The following TMEM117 variants were observed in gnomAD, a reference collection of about 807,000 sequenced individuals.
The protein encoded by TMEM117 is transmembrane protein 117.
A neutral mutation model predicts 52.4 loss-of-function variants in TMEM117; 27 were observed. That is an observed-to-expected ratio of 0.51 (90% CI 0.38 to 0.71). TMEM117 has a LOEUF of 0.71. Among genes scored for constraint, TMEM117 ranks in the 30% least tolerant of loss-of-function variants. The pLI is 0.00. For missense variants in TMEM117, 556 were observed against 630.5 expected (o/e 0.88, Z 1.26); for synonymous variants, 215 against 206.3 (o/e 1.04, Z -0.36).
chr12:43,805,047 A>G, the TMEM117 span, among the ~76,000 whole-genome samples: 1 of 152,270 alleles, frequency 6.6e-6, no homozygotes, highest in Non-Finnish European at 1.5e-5. Context: ...AAAAGACAAT[A>G]AAATGCATTC....
At chr12:43,936,412 A>C (rs1365904342) in intron 2 of TMEM117, among the ~76,000 whole-genome samples, 1 of 152,062 alleles carries the variant, frequency 6.6e-6, no homozygotes, top group African/African-American at 2.4e-5. Context: ...ACTGAGTTTG[A>C]TTTCCTGGTA....
chr12:44,379,019 C>T (rs780153773), intron 7 of TMEM117, among the ~76,000 whole-genome samples: 10 of 151,952 alleles, frequency 6.6e-5, no homozygotes, highest in African/African-American at 9.7e-5. Context: ...CGTGGTGGCT[C>T]ACACCTATAG....
At chr12:44,100,067 G>C (rs550037743) in intron 3 of TMEM117, among the ~76,000 whole-genome samples, 1 of 152,000 alleles carries the variant, frequency 6.6e-6, no homozygotes, top group Non-Finnish European at 1.5e-5. Flanking sequence ...GGCATATCAG[G>C]ACTCCAAAAA....
Position 44,388,528 on chromosome 12 carries a change from T to G in TMEM117, c.1401T>G (p.Val467=), listed in dbSNP as rs768391059. The change falls in exon 8 of 8, where the codon GTT becomes GTG. Residue 467 remains valine (V), a synonymous_variant. Transcript: ENST00000266534. ...VEDPLNDPSL[V]CIRSDFNEIV... ...ACCCCTTGAATGACCCTTCTTTGGTTTGCATCAGGTCTGACTTCAATGAGA... is the reference window on the plus strand; with the variant it reads ...ACCCCTTGAATGACCCTTCTTTGGTGTGCATCAGGTCTGACTTCAATGAGA... The G allele has an allele frequency of 6.2e-7, 1 of 1,613,464 alleles. No homozygotes were observed. Among genetic ancestry groups the G allele is most frequent in the Non-Finnish European group, 8.5e-7 (1 of 1,179,656 alleles).
intron 2 of TMEM117, among the ~76,000 whole-genome samples, chr12:43,912,513 A>ATATATATATATATATATATATATG (rs2137536112): frequency 6.1e-5 from 1 of 16,398 alleles, no homozygotes; most frequent in East Asian, 0.023. Context: ...TAATTTATAT[A>ATATATATATATATATATATATATG]TATATATATA....
At chr12:44,267,462 G>A (rs1014652096) in intron 5 of TMEM117, among the ~76,000 whole-genome samples, 2 of 152,024 alleles carry the variant, frequency 1.3e-5, no homozygotes. Context: ...CACAATCTAT[G>A]CCATGAACTT....
chr12:44,331,680 A>G (rs773222538), intron 6 of TMEM117, among the ~76,000 whole-genome samples: 1 of 152,208 alleles, frequency 6.6e-6, no homozygotes, highest in East Asian at 1.9e-4. Context: ...AATGGACAAT[A>G]TTAACTATCT....
At chr12:44,302,268 G>A (rs551578395) in intron 6 of TMEM117, among the ~76,000 whole-genome samples, 3 of 152,200 alleles carry the variant, frequency 2.0e-5, no homozygotes, top group Admixed American at 6.5e-5. Context: ...CTCATTGTCC[G>A]AGAGGAGAGT....
chr12:43,965,237 G>A (rs148006415), intron 3 of TMEM117, among the ~76,000 whole-genome samples: 80 of 152,312 alleles, frequency 5.3e-4, no homozygotes, highest in African/African-American at 1.9e-3. Context: ...ACGAATTTGA[G>A]TTAAAAAGAA....
intron 5 of TMEM117, among the ~76,000 whole-genome samples, chr12:44,272,419 C>T (rs1950457754): frequency 6.6e-6 from 1 of 152,120 alleles, no homozygotes; most frequent in South Asian, 2.1e-4. Flanking sequence ...AAGAAACTAC[C>T]ATCAGAGTGA....
At chr12:43,848,854 C>G (rs7979369) in intron 2 of TMEM117, among the ~76,000 whole-genome samples, 8,326 of 152,260 alleles carry the variant, frequency 0.055, 264 homozygotes, top group South Asian at 0.071. Flanking sequence ...TAGCCCGTCC[C>G]TCTGTTCGGA....
intron 5 of TMEM117, among the ~76,000 whole-genome samples, chr12:44,252,733 G>A (rs978472992): frequency 6.6e-6 from 1 of 152,146 alleles, no homozygotes; most frequent in African/African-American, 2.4e-5. Context: ...ATAACCTGGA[G>A]CACCTTATTG....
intron 3 of TMEM117, among the ~76,000 whole-genome samples, chr12:44,039,116 G>A (rs10161301): frequency 0.036 from 5,463 of 152,186 alleles, 205 homozygotes; most frequent in African/African-American, 0.093. Flanking sequence ...TATGGATTGT[G>A]TGTTTCTTAT....
intron 3 of TMEM117, among the ~76,000 whole-genome samples, chr12:44,088,618 C>T (rs1487328272): frequency 6.6e-6 from 1 of 152,098 alleles, no homozygotes; most frequent in Non-Finnish European, 1.5e-5. Flanking sequence ...CTAATGTGGT[C>T]CTGGGTGACA....
At chr12:44,182,610 A>G (rs1187078418) in intron 4 of TMEM117, among the ~76,000 whole-genome samples, 1 of 152,208 alleles carries the variant, frequency 6.6e-6, no homozygotes, top group Non-Finnish European at 1.5e-5. Flanking sequence ...TGAAAGAACT[A>G]CCTGACATCT....
chr12:44,038,050 CCTT>C (rs1181415320), intron 3 of TMEM117, among the ~76,000 whole-genome samples: 1 of 152,140 alleles, frequency 6.6e-6, no homozygotes, highest in African/African-American at 2.4e-5. Flanking sequence ...TCACTAAAGC[CCTT>C]CTTTATCTTG....
chr12:43,912,422 C>T (rs1944522768), intron 2 of TMEM117, among the ~76,000 whole-genome samples: 1 of 150,730 alleles, frequency 6.6e-6, no homozygotes, highest in Non-Finnish European at 1.5e-5. Context: ...GGGTGCAGTG[C>T]ACCAGCATGG....
At chr12:44,125,375 G>A (rs1029181496) in intron 3 of TMEM117, among the ~76,000 whole-genome samples, 1 of 152,194 alleles carries the variant, frequency 6.6e-6, no homozygotes, top group Admixed American at 6.5e-5. Context: ...CCAAAGTGCT[G>A]AGATTACAGG....
At chr12:44,329,393 C>G (rs1951237580) in intron 6 of TMEM117, among the ~76,000 whole-genome samples, 1 of 152,042 alleles carries the variant, frequency 6.6e-6, no homozygotes, top group Admixed American at 6.6e-5. Context: ...CTGAACTGGT[C>G]AACTTCACGT....
Sources: allele counts gnomAD v4.1 joint callset (sites outside exome capture counted in the v4.1 genomes callset), GRCh38; gene constraint gnomAD v4.1.1; transcripts MANE v1.5; gene names NCBI Gene and HGNC (gene_info 2026-07-23, HGNC 2026-07-21).